Variants in SLC8B1 observed in about 807,000 individuals in gnomAD.
SLC8B1 encodes the protein mitochondrial sodium/calcium exchanger protein.
Under a neutral mutation model 63.4 loss-of-function variants are expected in SLC8B1, and 52 were observed. That is an observed-to-expected ratio of 0.82 (90% CI 0.66 to 1.03). The LOEUF is 1.03. Among genes scored for constraint, SLC8B1 ranks in the 50% least tolerant of loss-of-function variants. The pLI, the probability that SLC8B1 is intolerant of heterozygous loss-of-function variation, is 0.00. For synonymous variants in SLC8B1, 336 were observed against 323.9 expected (o/e 1.04, Z -0.40); for missense variants, 657 against 741.7 (o/e 0.89, Z 1.33).
intron 12 of SLC8B1, among the ~76,000 whole-genome samples, chr12:113,309,689 G>A (rs959867117): frequency 1.3e-5 from 2 of 152,172 alleles, no homozygotes; most frequent in African/African-American, 2.4e-5. Flanking sequence ...CCAGGAGGTC[G>A]AGGCTGCAGT....
rs201305429 is a variant in SLC8B1, at chr12:113,318,938, C to T, written c.802+26G>A. The T allele has an allele frequency of 1.4e-3, 2,263 of 1,599,134 alleles. 7 individuals carry two copies. Among genetic ancestry groups the T allele is most frequent in the Non-Finnish European group, 1.6e-3 (1,819 of 1,166,696 alleles). On this transcript the variant is annotated intron_variant, in intron 8 of 15. Transcript: ENST00000680972. Reference sequence around the variant, plus strand: ...GAGGCCCCCAGTCCCCACTGGTCCTCTCTGGGGTCCGATGCAGACTCTTAC... The same window carrying T: ...GAGGCCCCCAGTCCCCACTGGTCCTTTCTGGGGTCCGATGCAGACTCTTAC...
In SLC8B1 at chr12:113,305,932, G is replaced by A. The variant is rs757284513; in HGVS notation, c.1492+563C>T. ...AAATTAGCTGGGCGTGGTCGTGGGC[G>A]CCTGTAGTCCCAGCTACTCAGAAGA... On this transcript the variant is annotated intron_variant, in intron 14 of 15. Transcript: ENST00000680972. The surrounding 1 kb of genome is among the most constrained non-coding windows in gnomAD (Gnocchi z 4.3). 3.3e-5 allele frequency among the ~76,000 whole-genome samples: 5 copies of A among 151,602 alleles called. No homozygotes were observed. Among genetic ancestry groups the A allele is most frequent in the Admixed American group, 6.6e-5 (1 of 15,212 alleles).
At chr12:113,306,397 GT>G in intron 14 of SLC8B1, 97 bp downstream of exon 14, 1 of 1,046,454 alleles carries the variant, frequency 9.6e-7, no homozygotes, top group East Asian at 2.5e-5. Flanking sequence ...TGCCCCAGGT[GT>G]TACACCGAGA....
In SLC8B1 at chr12:113,316,580, A is replaced by G; in HGVS notation, c.939T>C (p.Asp313=). ...CTGATTTCCTTCTCCACTTCATGTAATCCAGGGGATTGAGGGCCCGGACCA... is the reference window on the plus strand; with the variant it reads ...CTGATTTCCTTCTCCACTTCATGTAGTCCAGGGGATTGAGGGCCCGGACCA... ...QILVRALNPL[D]YMKWRRKSAY... Residue 313 remains aspartate, a synonymous_variant, in exon 10 of 16, where the codon GAT becomes GAC. Transcript: ENST00000680972. 1 of 1,614,190 alleles carries G rather than the reference A, an allele frequency of 6.2e-7. No homozygotes were observed. Among genetic ancestry groups the G allele is most frequent in the South Asian group, 1.1e-5 (1 of 91,078 alleles).
At chr12:113,319,652 C>G (rs1202553868) in intron 7 of SLC8B1, among the ~76,000 whole-genome samples, 1 of 152,168 alleles carries the variant, frequency 6.6e-6, no homozygotes, top group African/African-American at 2.4e-5. Flanking sequence ...GTTTCCCTTG[C>G]TGGTTTCATT....
Position 113,299,697 on chromosome 12 carries a change from T to C in SLC8B1, c.*80A>G. 7.0e-7 allele frequency: 1 copy of C among 1,424,828 alleles called. No homozygotes were observed. The allele number at this position is 1,424,828 out of a possible 1,614,324, so 88.3% of individuals were successfully genotyped here. ...CGTGCCCACAAGGGCCTTGCAGAAA[T>C]GCTCCGGTCCCTGGGCCTCCCCCGG... On this transcript the variant is annotated 3_prime_UTR_variant, in exon 16 of 16. Coordinates refer to ENST00000680972, the MANE Select transcript of SLC8B1 (RefSeq NM_001358345.2).
At chr12:113,322,973 G>A (rs1187008529) in intron 2 of SLC8B1, among the ~76,000 whole-genome samples, 1 of 151,990 alleles carries the variant, frequency 6.6e-6, no homozygotes, top group African/African-American at 2.4e-5. Context: ...AAAAGAAATA[G>A]GAGAAAAGAA....
chr12:113,306,063 C>T (rs1214993579), intron 14 of SLC8B1, among the ~76,000 whole-genome samples: 2 of 92,006 alleles, frequency 2.2e-5, no homozygotes, highest in East Asian at 2.8e-4. Context: ...CGTCCCCACC[C>T]TGCAAAAAAA....
chr12:113,301,754 T>C (rs1956590979), intron 15 of SLC8B1, among the ~76,000 whole-genome samples: 1 of 152,180 alleles, frequency 6.6e-6, no homozygotes, highest in African/African-American at 2.4e-5. Flanking sequence ...AATAGTCTTG[T>C]ATGGTGGGTA....
chr12:113,303,065 C>T (rs1201043509), intron 15 of SLC8B1, among the ~76,000 whole-genome samples: 3 of 137,768 alleles, frequency 2.2e-5, no homozygotes, highest in Non-Finnish European at 4.6e-5. Flanking sequence ...CACACACACA[C>T]ACACGTACAC....
chr12:113,314,947 C>A (rs1272875738), intron 11 of SLC8B1, among the ~76,000 whole-genome samples: 1 of 152,164 alleles, frequency 6.6e-6, no homozygotes, highest in South Asian at 2.1e-4. Context: ...TGCTGTATAT[C>A]CAGGTTTCTG....
At chr12:113,327,893 G>A (rs7974580) in intron 2 of SLC8B1, among the ~76,000 whole-genome samples, 18,264 of 149,342 alleles carry the variant, frequency 0.12, 1,272 homozygotes, top group African/African-American at 0.2. Flanking sequence ...CAGGAGAATC[G>A]CTTGAACCCA....
chr12:113,304,293 C>T, intron 15 of SLC8B1, 28 bp downstream of exon 15: 1 of 1,608,866 alleles, frequency 6.2e-7, no homozygotes, highest in Non-Finnish European at 8.5e-7. Context: ...TGGTTATATA[C>T]ACTTGTAAAC....
rs556657526 is a variant in SLC8B1 at position 113,309,590 on chromosome 12, C to CA, written c.1257+643dup. 9.6e-4 allele frequency among the ~76,000 whole-genome samples: 146 copies of CA among 152,084 alleles called. 1 individual carries two copies. Among genetic ancestry groups the CA allele is most frequent in the African/African-American group, 3.4e-3 (141 of 41,484 alleles). ...GCAACATAGTGAGACCTCATCTTTA[C>CA]AAAAAACATACAAAAATTAGCTGGG... On this transcript the variant is annotated intron_variant, in intron 12 of 15. Transcript: ENST00000680972.
rs184424856 is a variant in SLC8B1 at position 113,329,233 on chromosome 12, G to A, written c.156+3490C>T. Among the ~76,000 whole-genome samples, 600 of 152,268 alleles carry A rather than the reference G, an allele frequency of 3.9e-3. 5 individuals carry two copies. The highest frequency in any genetic ancestry group is 0.014 in the African/African-American group (574 of 41,558). On this transcript the variant is annotated intron_variant, in intron 2 of 15. Coordinates refer to ENST00000680972, the MANE Select transcript of SLC8B1 (RefSeq NM_001358345.2). Reference sequence around the variant, plus strand: ...CCACTTCACAGATGAGAAAACTGAGGCACAGAGAGGCAAAGTGGCTTGCCC... The same window carrying A: ...CCACTTCACAGATGAGAAAACTGAGACACAGAGAGGCAAAGTGGCTTGCCC...
intron 8 of SLC8B1, among the ~76,000 whole-genome samples, chr12:113,318,683 G>T (rs1202804999): frequency 6.6e-6 from 1 of 152,200 alleles, no homozygotes; most frequent in East Asian, 1.9e-4. Flanking sequence ...TGAGAATGGT[G>T]GGAAACATCA....
chr12:113,320,207 CT>C lies in SLC8B1; in HGVS notation c.694+123del. 8.2e-7 allele frequency: 1 copy of C among 1,223,488 alleles called. No individual in the cohort carries two copies. The highest frequency in any genetic ancestry group is 1.5e-5 in the African/African-American group (1 of 66,210). The allele number at this position is 1,223,488 out of a possible 1,614,324, so 75.8% of individuals were successfully genotyped here. A position where few individuals can be genotyped will look rare whatever the true frequency, so the allele number is the denominator to read the frequency against. ...GCTCAAGCCAGCTTGAGGAGGGTTT[CT>C]GTCACTTGTAATCAAATCAAAGCCC... On this transcript the variant is annotated intron_variant, in intron 7 of 15. Coordinates refer to ENST00000680972, the MANE Select transcript of SLC8B1 (RefSeq NM_001358345.2). This position sits in a 1 kb window ranked among gnomAD's most constrained non-coding sequence, Gnocchi z 5.3.
At chr12:113,329,198 A>G (rs1179878482) in intron 2 of SLC8B1, among the ~76,000 whole-genome samples, 1 of 152,202 alleles carries the variant, frequency 6.6e-6, no homozygotes, top group Admixed American at 6.5e-5. Context: ...GGAGGTTGGC[A>G]CAATTGTTTC....
At position 113,300,129 on chromosome 12, in the gene SLC8B1, A is replaced by G. The variant is rs560762675; in HGVS notation, c.1558-155T>C. 1.5e-4 allele frequency among the ~76,000 whole-genome samples: 20 copies of G among 131,852 alleles called. 1 individual carries two copies. The highest frequency in any genetic ancestry group is 7.7e-3 in the Middle Eastern group (2 of 260). The allele number at this position is 131,852 out of a possible 152,430, so 86.5% of individuals were successfully genotyped here. ...CAGCCTCAGCAACAATGCAGCCTCA[A>G]CAACAATCCAGCCTCAACAACAATG... On this transcript the variant is annotated intron_variant, in intron 15 of 15. Transcript: ENST00000680972.
Sources: allele counts gnomAD v4.1 joint callset (sites outside exome capture counted in the v4.1 genomes callset), GRCh38; gene constraint gnomAD v4.1.1; non-coding constraint Gnocchi (gnomAD v3.1); transcripts MANE v1.5; gene names NCBI Gene and HGNC (gene_info 2026-07-23, HGNC 2026-07-21).